The following CUX1 variants were observed in gnomAD, a reference collection of about 807,000 sequenced individuals.
CUX1 encodes cut like homeobox 1.
A neutral mutation model predicts 158.8 loss-of-function variants in CUX1; 31 were observed. That is an observed-to-expected ratio of 0.20 (90% CI 0.15 to 0.26). The LOEUF is 0.26. CUX1 is among the 10% of genes least tolerant of loss of function. The probability of loss-of-function intolerance (pLI) is 1.00; values close to 1 mark genes in which losing one functional copy is unlikely to be tolerated. For missense variants in CUX1, 1,589 were observed against 2,014.6 expected (o/e 0.79, Z 4.04); for synonymous variants, 879 against 862.1 (o/e 1.02, Z -0.34).
intron 9 of CUX1, among the ~76,000 whole-genome samples, chr7:102,160,178 A>T (rs1250785739): frequency 1.0e-5 from 1 of 100,344 alleles, no homozygotes; most frequent in East Asian, 2.2e-4. Context: ...GAATCTGTCT[A>T]AAAAAAAAAA....
At chr7:101,849,912 ATTTTT>A in intron 1 of CUX1, among the ~76,000 whole-genome samples, 1 of 124,304 alleles carries the variant, frequency 8.0e-6, no homozygotes, top group South Asian at 2.6e-4. Flanking sequence ...GTCTCATGCA[ATTTTT>A]TTTTTTTTTT....
intron 4 of CUX1, among the ~76,000 whole-genome samples, chr7:102,076,160 A>G (rs1221784817): frequency 2.0e-5 from 3 of 152,182 alleles, no homozygotes; most frequent in African/African-American, 7.2e-5. Context: ...AAGCAGGCAG[A>G]TCACCTGAGA....
At chr7:102,134,982 G>C (rs1833737724) in intron 8 of CUX1, among the ~76,000 whole-genome samples, 1 of 152,058 alleles carries the variant, frequency 6.6e-6, no homozygotes, top group African/African-American at 2.4e-5. Context: ...CACGTATTCT[G>C]GATTTTAGCT....
At chr7:102,028,988 ATTTTTTT>A (rs71519103) in intron 3 of CUX1, among the ~76,000 whole-genome samples, 1 of 114,248 alleles carries the variant, frequency 8.8e-6, no homozygotes, top group African/African-American at 3.3e-5. Context: ...AGTCTTAGGG[ATTTTTTT>A]TTTTTTTTTT....
At chr7:101,839,205 G>C (rs148201595) in intron 1 of CUX1, among the ~76,000 whole-genome samples, 127 of 152,282 alleles carry the variant, frequency 8.3e-4, no homozygotes, top group Admixed American at 2.3e-3. Flanking sequence ...TGAATTTGAG[G>C]GGGGTGGACA....
At chr7:101,954,942 C>A (rs962404314) in intron 2 of CUX1, among the ~76,000 whole-genome samples, 1 of 152,084 alleles carries the variant, frequency 6.6e-6, no homozygotes, top group African/African-American at 2.4e-5. Context: ...GAAGCCGAGG[C>A]AGGCGATCAC....
intron 1 of CUX1, among the ~76,000 whole-genome samples, chr7:101,834,165 CTTTTTTTTTTTTTTTTT>C (rs575992276): frequency 2.8e-5 from 2 of 71,080 alleles, no homozygotes; most frequent in African/African-American, 1.2e-4. Context: ...CTGATTGTTT[CTTTTTTTTTTTTTTTTT>C]TTTTTTTTTG....
rs571626159 is a variant in CUX1 at position 102,010,366 on chromosome 7, C to T, written c.142-17732C>T. ...CTGAGATCACGCCACTGTACTCCAG[C>T]CTGGGCAACAGAACAAGAAGACTCT... On this transcript the variant is annotated intron_variant, in intron 2 of 23. Coordinates refer to ENST00000292535, the MANE Select transcript of CUX1 (RefSeq NM_181552.4). Among the ~76,000 whole-genome samples, 9 of 147,448 alleles carry T rather than the reference C, an allele frequency of 6.1e-5. No homozygotes were observed. The South Asian group carries it at 1.9e-3, about 32-fold the overall frequency.
intron 5 of CUX1, among the ~76,000 whole-genome samples, chr7:102,101,494 A>G (rs75242135): frequency 0.011 from 1,740 of 152,272 alleles, 31 homozygotes; most frequent in African/African-American, 0.039. Context: ...GGGGGTGGCA[A>G]AGAGACCTCA....
At chr7:101,901,744 G>A (rs1292051116) in intron 1 of CUX1, among the ~76,000 whole-genome samples, 3 of 152,180 alleles carry the variant, frequency 2.0e-5, no homozygotes, top group South Asian at 2.1e-4. Context: ...GTGTCTGCCC[G>A]GGCAGATGTT....
At chr7:101,871,288 G>A (rs1310332663) in intron 1 of CUX1, among the ~76,000 whole-genome samples, 1 of 148,956 alleles carries the variant, frequency 6.7e-6, no homozygotes, top group East Asian at 2.0e-4. Flanking sequence ...GATGTACTCA[G>A]TTACATGATA....
At chr7:101,850,604 T>C (rs761221904) in intron 1 of CUX1, among the ~76,000 whole-genome samples, 4 of 152,008 alleles carry the variant, frequency 2.6e-5, no homozygotes, top group Non-Finnish European at 5.9e-5. Flanking sequence ...GGTCTCGAAC[T>C]CCTGGGCTCA....
At chr7:101,981,904 C>G (rs1445677471) in intron 2 of CUX1, among the ~76,000 whole-genome samples, 1 of 152,222 alleles carries the variant, frequency 6.6e-6, no homozygotes, top group Admixed American at 6.5e-5. Flanking sequence ...GCCACCGCAC[C>G]TGGCCAGGTT....
chr7:102,073,374 T>C (rs1826371207), intron 4 of CUX1, among the ~76,000 whole-genome samples: 1 of 151,908 alleles, frequency 6.6e-6, no homozygotes, highest in South Asian at 2.1e-4. Flanking sequence ...GGTTTCGCCA[T>C]GTTGGCCAGG....
intron 6 of CUX1, among the ~76,000 whole-genome samples, chr7:102,105,176 TACACACACACACACACACACACAC>T (rs3076512): frequency 1.4e-5 from 2 of 144,426 alleles, no homozygotes; most frequent in Non-Finnish European, 3.0e-5. Context: ...TATTTAATAT[TACACACACACACACACACACACAC>T]ACACACACAC....
intron 2 of CUX1, among the ~76,000 whole-genome samples, chr7:101,984,628 A>T (rs117041791): frequency 1.3e-5 from 2 of 152,088 alleles, no homozygotes; most frequent in Non-Finnish European, 2.9e-5. Flanking sequence ...GGATGATGGC[A>T]TCCCTCCTGG....
rs782679315 is a variant in CUX1 at position 102,249,074 on chromosome 7, TGGGCCGCAA to T, written c.*38_*46del. 8.0e-7 allele frequency: 1 copy of T among 1,256,728 alleles called. No individual in the cohort carries two copies. Among genetic ancestry groups the T allele is most frequent in the East Asian group, 3.2e-5 (1 of 30,880 alleles). The allele number at this position is 1,256,728 out of a possible 1,614,324, so 77.8% of individuals were successfully genotyped here. A position where few individuals can be genotyped will look rare whatever the true frequency, so the allele number is the denominator to read the frequency against. On this transcript the variant is annotated 3_prime_UTR_variant, in exon 24 of 24. Transcript: ENST00000292535. ...GCGGCCCTGGGGCGGGCAGCCAGGC[TGGGCCGCAA>T]GGGCCTGGACGGGGTCGGACGGGGC... is the stretch of plus-strand genomic sequence containing the variant.
intron 2 of CUX1, among the ~76,000 whole-genome samples, chr7:101,932,842 G>T (rs1806440297): frequency 6.6e-6 from 1 of 152,180 alleles, no homozygotes; most frequent in African/African-American, 2.4e-5. Context: ...CAGGATCAGG[G>T]TAGGTTCTAG....
At chr7:101,994,261 C>G (rs1182247800) in intron 2 of CUX1, among the ~76,000 whole-genome samples, 1 of 152,230 alleles carries the variant, frequency 6.6e-6, no homozygotes, top group Non-Finnish European at 1.5e-5. Flanking sequence ...CTTGGACATT[C>G]ATTTCTTTGG....
Sources: allele counts gnomAD v4.1 joint callset (sites outside exome capture counted in the v4.1 genomes callset), GRCh38; gene constraint gnomAD v4.1.1; transcripts MANE v1.5; gene names NCBI Gene and HGNC (gene_info 2026-07-23, HGNC 2026-07-21).